The following INHBC variants were observed in gnomAD, a reference collection of about 807,000 sequenced individuals.
The protein encoded by INHBC is inhibin beta C chain.
A neutral mutation model predicts 12.4 loss-of-function variants in INHBC; 10 were observed. The ratio of observed to expected loss-of-function variants is 0.81; its 90% confidence interval spans 0.50 to 1.37. INHBC has a LOEUF of 1.37. Among genes scored for constraint, INHBC ranks in the 40% most tolerant of loss-of-function variants. INHBC has a pLI of 0.00. For missense variants in INHBC, 382 were observed against 439.4 expected (o/e 0.87, Z 1.17); for synonymous variants, 147 against 171.6 (o/e 0.86, Z 1.12).
At chr12:57,442,041 G>A (rs1042041130) in intron 1 of INHBC, among the ~76,000 whole-genome samples, 1 of 152,132 alleles carries the variant, frequency 6.6e-6, no homozygotes, top group Non-Finnish European at 1.5e-5. Flanking sequence ...TCCATGTGGT[G>A]TAGCTGAGGT....
At chr12:57,446,281 A>G (rs895858481) in intron 1 of INHBC, among the ~76,000 whole-genome samples, 1 of 151,884 alleles carries the variant, frequency 6.6e-6, no homozygotes, top group Non-Finnish European at 1.5e-5. Flanking sequence ...ATATCATTGG[A>G]TGTCCAAGTC....
intron 1 of INHBC, among the ~76,000 whole-genome samples, chr12:57,435,665 G>A (rs1870319570): frequency 6.6e-6 from 1 of 152,050 alleles, no homozygotes; most frequent in Non-Finnish European, 1.5e-5. Context: ...CTCACCATAT[G>A]TCATGTTCCC....
chr12:57,440,962 C>T (rs1197025874), intron 1 of INHBC, among the ~76,000 whole-genome samples: 2 of 152,150 alleles, frequency 1.3e-5, no homozygotes, highest in African/African-American at 4.8e-5. Flanking sequence ...AATCCCAACA[C>T]TTTGGGAGGC....
chr12:57,443,045 A>G (rs1015068018), intron 1 of INHBC, among the ~76,000 whole-genome samples: 2 of 149,668 alleles, frequency 1.3e-5, no homozygotes, highest in Non-Finnish European at 3.0e-5. Context: ...CATGAAGCCT[A>G]GTTGAACTTC....
chr12:57,449,493 G>C lies in INHBC; in HGVS notation c.530G>C (p.Trp177Ser). The part of the protein sequence containing the change: ...QYLLEVDASG[W>S]HQLPLGPEAQ... ...CTGCTGGAGGTGGATGCCAGTGGCT[G>C]GCATCAACTCCCCCTAGGGCCTGAA... The change falls in exon 2 of 2, where the codon TGG becomes TCG. Residue 177 changes from tryptophan to serine, a missense_variant. Trp to Ser is a radical substitution (Grantham distance 177, BLOSUM62 -3). Transcript: ENST00000309668. 1 of 1,614,152 alleles carries C rather than the reference G, an allele frequency of 6.2e-7. No individual in the cohort carries two copies. The highest frequency in any genetic ancestry group is 8.5e-7 in the Non-Finnish European group (1 of 1,180,012).
At chr12:57,435,319 G>C (rs1197416731) in intron 1 of INHBC, 120 bp downstream of exon 1, 3 of 953,038 alleles carry the variant, frequency 3.1e-6, no homozygotes, top group Non-Finnish European at 4.6e-6. Context: ...GCTTCCCACA[G>C]GCTATAATCT....
intron 1 of INHBC, among the ~76,000 whole-genome samples, chr12:57,437,772 G>A (rs565016053): frequency 2.3e-4 from 32 of 138,852 alleles, no homozygotes; most frequent in Admixed American, 1.0e-3. Flanking sequence ...TCATTCCCTC[G>A]TTTTTGTGTT....
intron 1 of INHBC, among the ~76,000 whole-genome samples, chr12:57,448,513 G>C (rs1566551589): frequency 6.7e-6 from 1 of 148,896 alleles, no homozygotes. Context: ...AGGTTGCAGT[G>C]AGCCAACCTC....
intron 1 of INHBC, among the ~76,000 whole-genome samples, chr12:57,438,701 A>G (rs760478265): frequency 2.6e-5 from 4 of 152,224 alleles, no homozygotes; most frequent in Non-Finnish European, 4.4e-5. Flanking sequence ...GCCATGAGGT[A>G]GTGTTTACTG....
In INHBC at chr12:57,441,681, G is replaced by A. The variant is rs1870467717; in HGVS notation, c.313+6482G>A. 3.2e-5 allele frequency among the ~76,000 whole-genome samples: 3 copies of A among 94,080 alleles called. No homozygotes were observed. The South Asian group carries it at 1.3e-3, about 41-fold the overall frequency. The allele number at this position is 94,080 out of a possible 152,430, so 61.7% of individuals were successfully genotyped here. ...AAACAACACATTCATTATTTCTCAT[G>A]ATTCTTTTTTTTTTTTTTTAGATGG... On this transcript the variant is annotated intron_variant, in intron 1 of 1. Coordinates refer to ENST00000309668, the MANE Select transcript of INHBC (RefSeq NM_005538.4).
chr12:57,441,625 A>G (rs1420745932), intron 1 of INHBC, among the ~76,000 whole-genome samples: 1 of 151,816 alleles, frequency 6.6e-6, no homozygotes, highest in Non-Finnish European at 1.5e-5. Context: ...ACTTATCAAT[A>G]TAACAAACCA....
chr12:57,440,867 A>G (rs1328844942), intron 1 of INHBC, among the ~76,000 whole-genome samples: 1 of 152,036 alleles, frequency 6.6e-6, no homozygotes, highest in Non-Finnish European at 1.5e-5. Context: ...CTTTACTAAC[A>G]GTTTCTTCCC....
At position 57,449,647 on chromosome 12, in the gene INHBC, G is replaced by A. The variant is rs758020672; in HGVS notation, c.684G>A (p.Gly228=). Residue 228 remains glycine, a synonymous_variant, in exon 2 of 2, where the codon GGG becomes GGA. Transcript: ENST00000309668. The part of the protein sequence containing the change: ...RPFVAARVRV[G]GKHQIHRRGI... The stretch of plus-strand genomic sequence containing the variant: ...TTGTGGCAGCCCGGGTGAGAGTTGG[G>A]GGCAAACACCAGATTCACCGACGAG... The A allele has an allele frequency of 5.6e-6, 9 of 1,614,082 alleles. No individual in the cohort carries two copies. Among genetic ancestry groups the A allele is most frequent in the African/African-American group, 1.3e-5 (1 of 74,916 alleles).
Position 57,449,945 on chromosome 12 carries a change from C to A in INHBC, c.982C>A (p.Leu328Ile). Reference sequence around the variant, plus strand: ...CACGGCCCGGCGCCCCCTGTCTCTGCTCTATTATGACAGGGACAGCAACAT... The same window carrying A: ...CACGGCCCGGCGCCCCCTGTCTCTGATCTATTATGACAGGGACAGCAACAT... ...VPTARRPLSL[L>I]YYDRDSNIVK... The change falls in exon 2 of 2, where the codon CTC (leucine) becomes ATC (isoleucine). Residue 328 changes from leucine to isoleucine, a missense_variant. By Grantham distance (5) the Leu-to-Ile change is conservative (BLOSUM62 2). Coordinates refer to ENST00000309668, the MANE Select transcript of INHBC (RefSeq NM_005538.4). 6.3e-7 allele frequency: 1 copy of A among 1,575,414 alleles called. No homozygotes were observed. The highest frequency in any genetic ancestry group is 8.6e-7 in the Non-Finnish European group (1 of 1,159,948).
chr12:57,445,191 TTAAG>T, intron 1 of INHBC, among the ~76,000 whole-genome samples: 1 of 152,340 alleles, frequency 6.6e-6, no homozygotes. Flanking sequence ...GGTGTAGTAG[TTAAG>T]TGTCAAACAA....
rs1375795257 is a variant in INHBC at position 57,449,944 on chromosome 12, G to A, written c.981G>A (p.Leu327=). ...CVPTARRPLS[L]LYYDRDSNIV... is the part of the protein sequence containing the mutation. Reference sequence around the variant, plus strand: ...CCACGGCCCGGCGCCCCCTGTCTCTGCTCTATTATGACAGGGACAGCAACA... The same window carrying A: ...CCACGGCCCGGCGCCCCCTGTCTCTACTCTATTATGACAGGGACAGCAACA... Residue 327 remains leucine, a synonymous_variant, in exon 2 of 2, where the codon CTG becomes CTA. Transcript: ENST00000309668. 9.5e-6 allele frequency: 15 copies of A among 1,575,060 alleles called. No individual in the cohort carries two copies. The highest frequency in any genetic ancestry group is 1.3e-5 in the Non-Finnish European group (15 of 1,159,840).
rs375206338 is a variant in INHBC at position 57,445,398 on chromosome 12, G to C, written c.314-3879G>C. Among the ~76,000 whole-genome samples the C allele has an allele frequency of 5.9e-5, 9 of 152,156 alleles. No individual in the cohort carries two copies. The East Asian group carries it at 1.5e-3, about 26-fold the overall frequency. ...CAGTTAAAGAAAAAGATGGTTGTGA[G>C]TTGGACTAATGAGTAGTAGAGGAAG... On this transcript the variant is annotated intron_variant, in intron 1 of 1. Transcript: ENST00000309668.
chr12:57,450,048 G>T lies in INHBC; in HGVS notation c.*26G>T. ...TCTATGTGTGGTATGGGCAGCCCAA[G>T]GTTGCATGGGAAAACACGCCCCTAC... is the stretch of plus-strand genomic sequence containing the variant. On this transcript the variant is annotated 3_prime_UTR_variant, in exon 2 of 2. Transcript: ENST00000309668. The T allele has an allele frequency of 6.7e-7, 1 of 1,482,562 alleles. No individual in the cohort carries two copies. Among genetic ancestry groups the T allele is most frequent in the South Asian group, 1.5e-5 (1 of 67,368 alleles). The allele number at this position is 1,482,562 out of a possible 1,614,324, so 91.8% of individuals were successfully genotyped here. A position where few individuals can be genotyped will look rare whatever the true frequency, so the allele number is the denominator to read the frequency against.
intron 1 of INHBC, among the ~76,000 whole-genome samples, chr12:57,447,006 G>C (rs1256150393): frequency 6.6e-6 from 1 of 152,146 alleles, no homozygotes; most frequent in East Asian, 1.9e-4. Context: ...TGATCTTGAC[G>C]TGTGCAATTT....
Sources: allele counts gnomAD v4.1 joint callset (sites outside exome capture counted in the v4.1 genomes callset), GRCh38; gene constraint gnomAD v4.1.1; transcripts MANE v1.5; gene names NCBI Gene and HGNC (gene_info 2026-07-23, HGNC 2026-07-21).